RALGAPA1: variants seen among roughly 807,000 people sequenced by gnomAD.
RALGAPA1 encodes Ral GTPase activating protein catalytic subunit alpha 1.
Under a neutral mutation model 269.6 loss-of-function variants are expected in RALGAPA1, and 52 were observed. The observed-to-expected ratio is 0.19, with a 90% CI of 0.15 to 0.24. The LOEUF (loss-of-function observed/expected upper bound fraction) is 0.24, where lower values mean the gene tolerates loss of function less well. RALGAPA1 is among the 10% of genes least tolerant of loss of function. The pLI is 1.00. For missense variants in RALGAPA1, 1,917 were observed against 3,013.9 expected (o/e 0.64, Z 8.52); for synonymous variants, 817 against 1,008.3 (o/e 0.81, Z 3.60).
chr14:35,644,293 T>G (rs1257861545), intron 31 of RALGAPA1, among the ~76,000 whole-genome samples: 1 of 152,178 alleles, frequency 6.6e-6, no homozygotes, highest in African/African-American at 2.4e-5. Context: ...CTAGGCTATG[T>G]GTAACAAACA....
At position 35,639,033 on chromosome 14, in the gene RALGAPA1, C is replaced by T. The variant is rs140343560; in HGVS notation, c.5677-3435G>A. ...GCTGAACAGATTAAAAAAATAAAAC[C>T]CAACGATCTGTTGCCTACAAGAAAC... On this transcript the variant is annotated intron_variant, in intron 31 of 41. Transcript: ENST00000680220. Among the ~76,000 whole-genome samples, 509 of 151,632 alleles carry T rather than the reference C, an allele frequency of 3.4e-3. 7 individuals carry two copies. The highest frequency in any genetic ancestry group is 0.012 in the African/African-American group (477 of 41,356).
chr14:35,779,919 T>C lies in RALGAPA1; in HGVS notation c.107-4174A>G, dbSNP rs144910964. Reference sequence around the variant, plus strand: ...TGGGCGGATCATGAGGTTAAGAGATTGAGACCATCCTGGCCAACATGGTGA... The same window carrying C: ...TGGGCGGATCATGAGGTTAAGAGATCGAGACCATCCTGGCCAACATGGTGA... On this transcript the variant is annotated intron_variant, in intron 1 of 41. Coordinates refer to ENST00000680220, the MANE Select transcript of RALGAPA1 (RefSeq NM_001346249.2). Among the ~76,000 whole-genome samples the C allele has an allele frequency of 3.7e-3, 566 of 152,198 alleles. 3 individuals carry two copies. The highest frequency in any genetic ancestry group is 0.013 in the African/African-American group (544 of 41,512).
intron 17 of RALGAPA1, among the ~76,000 whole-genome samples, chr14:35,699,580 C>T (rs1446536086): frequency 6.6e-6 from 1 of 151,984 alleles, no homozygotes; most frequent in Non-Finnish European, 1.5e-5. Flanking sequence ...TAGGGCTTCA[C>T]AGAATGGTTT....
chr14:35,663,276 T>A (rs905877703), intron 27 of RALGAPA1, among the ~76,000 whole-genome samples: 2 of 152,092 alleles, frequency 1.3e-5, no homozygotes, highest in African/African-American at 2.4e-5. Flanking sequence ...GTGGTATATA[T>A]ATATCTAAAG....
chr14:35,641,245 C>T (rs2062009114), intron 31 of RALGAPA1, among the ~76,000 whole-genome samples: 1 of 151,966 alleles, frequency 6.6e-6, no homozygotes, highest in African/African-American at 2.4e-5. Flanking sequence ...CTAGCTAGAG[C>T]AAGCAGACAA....
intron 38 of RALGAPA1, among the ~76,000 whole-genome samples, chr14:35,571,384 T>C (rs948921130): frequency 1.5e-5 from 2 of 133,372 alleles, no homozygotes; most frequent in African/African-American, 6.8e-5. Context: ...TCAATTTTTT[T>C]TTTTTTTAAT....
intron 16 of RALGAPA1, among the ~76,000 whole-genome samples, chr14:35,704,589 A>T (rs1276990428): frequency 6.6e-6 from 1 of 152,146 alleles, no homozygotes; most frequent in Non-Finnish European, 1.5e-5. Context: ...AGTCTTCGAA[A>T]CATCATGTGA....
chr14:35,740,303 A>G (rs546560589), intron 11 of RALGAPA1, among the ~76,000 whole-genome samples: 15 of 152,310 alleles, frequency 9.8e-5, no homozygotes, highest in East Asian at 1.9e-4. Context: ...CTTGTTCTCA[A>G]TGTGGGCAAC....
chr14:35,802,168 C>A (rs1409413324), intron 1 of RALGAPA1, among the ~76,000 whole-genome samples: 1 of 152,036 alleles, frequency 6.6e-6, no homozygotes, highest in African/African-American at 2.4e-5. Context: ...ATCAGCCAGG[C>A]TCAGTGGTGT....
intron 36 of RALGAPA1, among the ~76,000 whole-genome samples, chr14:35,604,370 A>G (rs561251234): frequency 2.6e-5 from 4 of 152,048 alleles, no homozygotes; most frequent in Non-Finnish European, 4.4e-5. Context: ...ATCAATAACG[A>G]TATCTAGAAA....
intron 16 of RALGAPA1, among the ~76,000 whole-genome samples, chr14:35,705,323 CCTT>C (rs926568096): frequency 6.6e-6 from 1 of 152,046 alleles, no homozygotes; most frequent in Non-Finnish European, 1.5e-5. Flanking sequence ...CCTATTCATC[CCTT>C]CTTCTAGCCC....
chr14:35,808,271 C>A (rs988222755), intron 1 of RALGAPA1, among the ~76,000 whole-genome samples: 1 of 152,118 alleles, frequency 6.6e-6, no homozygotes, highest in Non-Finnish European at 1.5e-5. Context: ...TGGGAACCGC[C>A]CACTTCCCAA....
chr14:35,667,571 G>A (rs559389543), intron 26 of RALGAPA1, among the ~76,000 whole-genome samples: 3 of 152,186 alleles, frequency 2.0e-5, no homozygotes, highest in Admixed American at 6.5e-5. Flanking sequence ...CAGTAAGTAG[G>A]TCCAGGATGG....
At chr14:35,649,407 CA>C (rs1387232995) in intron 31 of RALGAPA1, among the ~76,000 whole-genome samples, 1 of 152,164 alleles carries the variant, frequency 6.6e-6, no homozygotes, top group Non-Finnish European at 1.5e-5. Context: ...AAAAACCTTT[CA>C]AAAAAGTCAC....
intron 6 of RALGAPA1, 53 bp from the exon 7 acceptor site, chr14:35,756,961 AATAAT>A (rs2073229252): frequency 7.0e-7 from 1 of 1,424,912 alleles, no homozygotes; most frequent in East Asian, 2.6e-5. Context: ...TTAATAAAAC[AATAAT>A]ATAACCAAAT....
chr14:35,608,302 A>T (rs1339908640), intron 35 of RALGAPA1, among the ~76,000 whole-genome samples: 1 of 152,228 alleles, frequency 6.6e-6, no homozygotes, highest in African/African-American at 2.4e-5. Flanking sequence ...CTAAGCACAA[A>T]CTTTGACCAA....
chr14:35,579,204 A>T (rs2057782576), intron 37 of RALGAPA1, among the ~76,000 whole-genome samples: 1 of 152,184 alleles, frequency 6.6e-6, no homozygotes. Flanking sequence ...AATGAGTTTG[A>T]CATGTTGGAA....
chr14:35,643,626 A>G (rs1241396918), intron 31 of RALGAPA1, among the ~76,000 whole-genome samples: 3 of 152,240 alleles, frequency 2.0e-5, no homozygotes, highest in Non-Finnish European at 2.9e-5. Flanking sequence ...AAAATTTGGG[A>G]CCAACCTAAG....
At chr14:35,797,399 CAAAAGCAT>C (rs2076654132) in intron 1 of RALGAPA1, among the ~76,000 whole-genome samples, 3 of 132,038 alleles carry the variant, frequency 2.3e-5, no homozygotes, top group Admixed American at 1.5e-4. Flanking sequence ...TTCAGACAAA[CAAAAGCAT>C]AAAGAATCCA....
Sources: allele counts gnomAD v4.1 joint callset (sites outside exome capture counted in the v4.1 genomes callset), GRCh38; gene constraint gnomAD v4.1.1; transcripts MANE v1.5; gene names NCBI Gene and HGNC (gene_info 2026-07-23, HGNC 2026-07-21).